KCNH1: variants seen among roughly 807,000 people sequenced by gnomAD.
KCNH1 encodes the protein voltage-gated delayed rectifier potassium channel KCNH1.
Under a neutral mutation model 69.2 loss-of-function variants are expected in KCNH1, and 27 were observed. The observed-to-expected ratio is 0.39, with a 90% CI of 0.29 to 0.54. The LOEUF is 0.54. Ranked by LOEUF, KCNH1 falls within the 20% of genes least tolerant of loss-of-function variation. KCNH1 has a pLI of 0.68. For synonymous variants in KCNH1, 456 were observed against 487.7 expected (o/e 0.93, Z 0.86); for missense variants, 798 against 1,261.6 (o/e 0.63, Z 5.57).
intron 6 of KCNH1, among the ~76,000 whole-genome samples, chr1:210,978,330 G>A (rs542059333): frequency 5.9e-5 from 9 of 152,072 alleles, no homozygotes; most frequent in African/African-American, 9.7e-5. Flanking sequence ...GAGCCACCGC[G>A]CCCGGCCTCC....
At chr1:210,747,468 T>C (rs139644922) in intron 10 of KCNH1, among the ~76,000 whole-genome samples, 2,605 of 152,280 alleles carry the variant, frequency 0.017, 34 homozygotes, top group Middle Eastern at 0.034. Flanking sequence ...GTGCATAATA[T>C]TAAAGTGTTT....
chr1:210,755,840 C>T (rs1683388128), intron 10 of KCNH1, among the ~76,000 whole-genome samples: 1 of 152,170 alleles, frequency 6.6e-6, no homozygotes, highest in African/African-American at 2.4e-5. Context: ...TGAGTCCTCC[C>T]CACAGTGAAG....
chr1:210,999,388 C>T (rs1689123448), intron 6 of KCNH1, among the ~76,000 whole-genome samples: 1 of 152,188 alleles, frequency 6.6e-6, no homozygotes, highest in Admixed American at 6.5e-5. Flanking sequence ...ATAAACACCT[C>T]TACACAAATA....
intron 6 of KCNH1, among the ~76,000 whole-genome samples, chr1:210,989,427 A>T (rs890474453): frequency 1.3e-5 from 2 of 152,204 alleles, no homozygotes; most frequent in Non-Finnish European, 1.5e-5. Context: ...CCAGTGTTAG[A>T]ATCTATCCAT....
chr1:210,719,694 C>T (rs1256247732), intron 10 of KCNH1, among the ~76,000 whole-genome samples: 1 of 151,858 alleles, frequency 6.6e-6, no homozygotes, highest in Non-Finnish European at 1.5e-5. Context: ...ACATGTATCT[C>T]AGAACTTAAA....
At position 210,718,577 on chromosome 1, in the gene KCNH1, A is replaced by ATT. The variant is rs1364976631; in HGVS notation, c.2113-34440_2113-34439insAA. Among the ~76,000 whole-genome samples the ATT allele has an allele frequency of 1.7e-3, 223 of 127,994 alleles. 27 individuals are homozygous for ATT. The highest frequency in any genetic ancestry group is 5.8e-3 in the African/African-American group (199 of 34,342). The allele number at this position is 127,994 out of a possible 152,430, so 84.0% of individuals were successfully genotyped here. On this transcript the variant is annotated intron_variant, in intron 10 of 10. Coordinates refer to ENST00000271751, the MANE Select transcript of KCNH1 (RefSeq NM_172362.3). ...ATATAAAATATATACATATATTTAT[A>ATT]TATATAAAATACCAAGTCTTATATA... is the stretch of plus-strand genomic sequence containing the variant.
intron 9 of KCNH1, among the ~76,000 whole-genome samples, chr1:210,792,853 T>C (rs572647521): frequency 1.3e-5 from 2 of 152,222 alleles, no homozygotes; most frequent in African/African-American, 4.8e-5. Context: ...TGCAGGGAGA[T>C]ACTTAACACA....
chr1:211,025,371 C>A (rs1689665607), intron 5 of KCNH1, among the ~76,000 whole-genome samples: 1 of 152,118 alleles, frequency 6.6e-6, no homozygotes, highest in Non-Finnish European at 1.5e-5. Context: ...TGTCAGTGTG[C>A]ATCTTTGGGT....
intron 3 of KCNH1, among the ~76,000 whole-genome samples, chr1:211,098,290 C>T (rs868390491): frequency 6.8e-6 from 1 of 146,630 alleles, no homozygotes; most frequent in African/African-American, 2.5e-5. Context: ...CACTGCACTC[C>T]AGCTTGGGCG....
At chr1:210,873,492 T>C (rs960442990) in intron 7 of KCNH1, among the ~76,000 whole-genome samples, 2 of 152,028 alleles carry the variant, frequency 1.3e-5, no homozygotes, top group Non-Finnish European at 2.9e-5. Context: ...GGACTACAGG[T>C]GCATGCCACT....
intron 4 of KCNH1, among the ~76,000 whole-genome samples, chr1:211,088,853 A>C (rs1490723792): frequency 6.6e-6 from 1 of 152,216 alleles, no homozygotes; most frequent in East Asian, 1.9e-4. Context: ...GTGTGTACCA[A>C]AACTCTTATC....
chr1:210,852,290 A>C (rs1685722849), intron 7 of KCNH1, among the ~76,000 whole-genome samples: 1 of 152,178 alleles, frequency 6.6e-6, no homozygotes, highest in East Asian at 1.9e-4. Flanking sequence ...AAGAAGCTCA[A>C]GTGTTTGGAG....
intron 7 of KCNH1, among the ~76,000 whole-genome samples, chr1:210,855,397 C>T (rs1257392554): frequency 1.3e-5 from 2 of 152,174 alleles, no homozygotes; most frequent in Non-Finnish European, 2.9e-5. Context: ...AATAATACTC[C>T]ACCCACTCCA....
At chr1:210,851,258 G>C (rs888375127) in intron 7 of KCNH1, among the ~76,000 whole-genome samples, 1 of 152,190 alleles carries the variant, frequency 6.6e-6, no homozygotes, top group Non-Finnish European at 1.5e-5. Context: ...AAGTGTTCTT[G>C]GTCTAGTGTG....
Position 211,085,546 on chromosome 1 carries a change from G to A in KCNH1, c.440-2648C>T, listed in dbSNP as rs369491467. On this transcript the variant is annotated intron_variant, in intron 4 of 10. Transcript: ENST00000271751. ...GCACAACAGGCAAGAGACCATGTGG[G>A]CCTGGACCAATGCTGTGGCCTGGGC... Among the ~76,000 whole-genome samples the A allele has an allele frequency of 4.6e-5, 7 of 152,090 alleles. No individual in the cohort carries two copies. The East Asian group carries it at 1.4e-3, about 29-fold the overall frequency.
chr1:211,101,627 G>A (rs1691259255), intron 3 of KCNH1, among the ~76,000 whole-genome samples: 1 of 152,138 alleles, frequency 6.6e-6, no homozygotes, highest in South Asian at 2.1e-4. Context: ...TCACAAGCTG[G>A]TTTCCACTTC....
chr1:211,106,853 C>A (rs1691356940), intron 2 of KCNH1, among the ~76,000 whole-genome samples: 1 of 152,158 alleles, frequency 6.6e-6, no homozygotes, highest in Admixed American at 6.5e-5. Flanking sequence ...TTGTCTCCAA[C>A]ATTGTAGTTA....
chr1:211,066,286 C>G (rs140348020), intron 5 of KCNH1, among the ~76,000 whole-genome samples: 1 of 152,160 alleles, frequency 6.6e-6, no homozygotes, highest in East Asian at 1.9e-4. Flanking sequence ...TAAACTAATA[C>G]TTGTTGAAGA....
chr1:210,787,890 C>T (rs1684133370), intron 9 of KCNH1, among the ~76,000 whole-genome samples: 1 of 152,186 alleles, frequency 6.6e-6, no homozygotes, highest in Admixed American at 6.5e-5. Context: ...CTTGTGGGGA[C>T]TATGCTGATC....
Sources: allele counts gnomAD v4.1 joint callset (sites outside exome capture counted in the v4.1 genomes callset), GRCh38; gene constraint gnomAD v4.1.1; transcripts MANE v1.5; gene names NCBI Gene and HGNC (gene_info 2026-07-23, HGNC 2026-07-21).